Variants in TTC21B observed in about 807,000 individuals in gnomAD.
TTC21B encodes tetratricopeptide repeat protein 21B.
Under a neutral mutation model 175.1 loss-of-function variants are expected in TTC21B, and 127 were observed. That is an observed-to-expected ratio of 0.73 (90% CI 0.63 to 0.84). The LOEUF (loss-of-function observed/expected upper bound fraction) is 0.84. TTC21B is among the 40% of genes least tolerant of loss of function. The pLI is 0.00. For synonymous variants in TTC21B, 524 were observed against 524.5 expected, an observed-to-expected ratio of 1.00 and a Z score of 0.01; for missense variants, 1,561 against 1,558.3, an observed-to-expected ratio of 1.00 and a Z score of -0.03.
At chr2:165,878,810 T>C (rs553619407) in intron 27 of TTC21B, among the ~76,000 whole-genome samples, 3 of 151,524 alleles carry the variant, frequency 2.0e-5, no homozygotes, top group Non-Finnish European at 4.4e-5. Flanking sequence ...GCCTCCTGAG[T>C]TGCTGGGATT....
chr2:165,948,560 T>C (rs1339336796), intron 3 of TTC21B: 1 of 152,232 alleles, frequency 6.6e-6, no homozygotes, highest in East Asian at 1.9e-4. Context: ...TTATGTAATT[T>C]TTTGAAACAC....
At position 165,890,924 on chromosome 2, in the gene TTC21B, G is replaced by A. The variant is rs1233183809; in HGVS notation, c.3015C>T (p.Val1005=). The change falls in exon 23 of 29, where the codon GTC becomes GTT. Residue 1005 remains valine, a synonymous_variant. Transcript: ENST00000243344. ...LLRRCGKLED[V]PRFFSMAEKR... is the part of the protein sequence containing the mutation. Reference sequence around the variant, plus strand: ...TCTCAGCCATTGAGAAAAATCTTGGGACATCCTCGAGTTTTCCACATCTTC... The same window carrying A: ...TCTCAGCCATTGAGAAAAATCTTGGAACATCCTCGAGTTTTCCACATCTTC... The A allele has an allele frequency of 6.2e-7, 1 of 1,613,044 alleles. No homozygotes were observed. The highest frequency in any genetic ancestry group is 1.1e-5 in the South Asian group (1 of 91,042).
intron 20 of TTC21B, among the ~76,000 whole-genome samples, chr2:165,900,141 G>A (rs566189941): frequency 6.6e-6 from 1 of 151,190 alleles, no homozygotes; most frequent in Non-Finnish European, 1.5e-5. Context: ...AAAGAACACT[G>A]GTCTTAAAAC....
intron 28 of TTC21B, 115 bp from the exon 29 acceptor site, chr2:165,874,947 C>G (rs949531456): frequency 2.3e-6 from 2 of 855,298 alleles, no homozygotes; most frequent in Admixed American, 4.2e-5. Flanking sequence ...ACTAATACTA[C>G]AACAGCTATA....
At chr2:165,932,455 C>T (rs7581810) in intron 7 of TTC21B, among the ~76,000 whole-genome samples, 66,202 of 151,832 alleles carry the variant, frequency 0.44, 15,184 homozygotes, top group Middle Eastern at 0.57. Flanking sequence ...ATATTACTTC[C>T]TTCAGATTAG....
At chr2:165,906,254 TAAA>T (rs1163343694) in intron 19 of TTC21B, among the ~76,000 whole-genome samples, 6 of 45,280 alleles carry the variant, frequency 1.3e-4, no homozygotes, top group Admixed American at 3.0e-4. Context: ...TTCAAGAGGC[TAAA>T]AAAAAAAAAA....
chr2:165,877,181 AT>A (rs1366678890), intron 27 of TTC21B, among the ~76,000 whole-genome samples: 1 of 152,230 alleles, frequency 6.6e-6, no homozygotes, highest in African/African-American at 2.4e-5. Flanking sequence ...GTAATAAAAA[AT>A]ATCTCACTCT....
intron 23 of TTC21B, 41 bp downstream of exon 23, chr2:165,890,797 G>C: frequency 6.3e-6 from 10 of 1,578,522 alleles, no homozygotes; most frequent in Non-Finnish European, 8.7e-6. Flanking sequence ...TTTACAATGA[G>C]AAAAAAAAAT....
upstream of TTC21B, chr2:165,953,776 C>CAGCTCCCCTAGCCTCCCGGAGCGCTCT (rs1213205180): frequency 1.3e-6 from 2 of 1,544,226 alleles, no homozygotes; most frequent in Non-Finnish European, 1.7e-6. Context: ...ACGCAGAATT[C>CAGCTCCCCTAGCCTCCCGGAGCGCTCT]AGCTCCCCTA....
rs766137263 is a variant in TTC21B, at chr2:165,912,630, A to G, written c.2212-6T>C. ...GCTACTATGGCTTCTTCAGGCTAAT[A>G]TTGCCAGACACAAAAAATAAGCAAT... On this transcript the variant is annotated splice_polypyrimidine_tract_variant and splice_region_variant and intron_variant, in intron 16 of 28. Coordinates refer to ENST00000243344, the MANE Select transcript of TTC21B (RefSeq NM_024753.5). The G allele has an allele frequency of 6.2e-7, 1 of 1,608,942 alleles. No individual in the cohort carries two copies. Among genetic ancestry groups the G allele is most frequent in the African/African-American group, 1.3e-5 (1 of 74,946 alleles).
intron 22 of TTC21B, among the ~76,000 whole-genome samples, chr2:165,893,770 A>G (rs1685271796): frequency 6.6e-6 from 1 of 151,958 alleles, no homozygotes; most frequent in African/African-American, 2.4e-5. Flanking sequence ...AGCCTCAAGG[A>G]TAGGAGGAAG....
At chr2:165,888,231 CT>C in intron 25 of TTC21B, 47 bp downstream of exon 25, 1 of 1,359,362 alleles carries the variant, frequency 7.4e-7, no homozygotes, top group South Asian at 1.2e-5. Context: ...TGTTTCTATA[CT>C]ACCAAATAAA....
intron 8 of TTC21B, among the ~76,000 whole-genome samples, chr2:165,930,732 G>GGTGTGTGTGTGTGTGTGTGTGTGTGT: frequency 1.0e-3 from 112 of 110,830 alleles, no homozygotes; most frequent in Non-Finnish European, 1.4e-3. Context: ...TGGGTATGGG[G>GGTGTGTGTGTGTGTGTGTGTGTGTGT]GTGTGTGTGT....
intron 19 of TTC21B, among the ~76,000 whole-genome samples, chr2:165,904,694 A>G (rs1685672363): frequency 6.6e-6 from 1 of 152,258 alleles, no homozygotes; most frequent in African/African-American, 2.4e-5. Flanking sequence ...AAATAAGCAC[A>G]GTAATACATA....
chr2:165,882,463 T>C (rs1574063116), intron 26 of TTC21B, among the ~76,000 whole-genome samples: 1 of 152,160 alleles, frequency 6.6e-6, no homozygotes, highest in East Asian at 1.9e-4. Flanking sequence ...GCAGTTATCA[T>C]TCTTATCAAT....
intron 11 of TTC21B, among the ~76,000 whole-genome samples, chr2:165,928,302 C>T (rs941233413): frequency 2.0e-5 from 3 of 151,868 alleles, no homozygotes; most frequent in Admixed American, 6.6e-5. Flanking sequence ...CATTTGAGTC[C>T]AAAAGTACAA....
At chr2:165,938,344 G>C (rs1574133748) in intron 6 of TTC21B, among the ~76,000 whole-genome samples, 1 of 151,964 alleles carries the variant, frequency 6.6e-6, no homozygotes, top group Non-Finnish European at 1.5e-5. Context: ...AACAAAGAAA[G>C]AATGACAGAA....
At chr2:165,943,466 CA>C in intron 4 of TTC21B, 125 bp from the exon 5 acceptor site, 3 of 771,714 alleles carry the variant, frequency 3.9e-6, no homozygotes, top group Non-Finnish European at 6.3e-6. Context: ...ATGTTATGAA[CA>C]ATAAAATTCT....
chr2:165,931,533 A>C (rs1574123064), intron 8 of TTC21B, among the ~76,000 whole-genome samples: 1 of 152,164 alleles, frequency 6.6e-6, no homozygotes, highest in African/African-American at 2.4e-5. Context: ...GCACTTCGCT[A>C]TGCTTAAAAG....
Sources: allele counts gnomAD v4.1 joint callset (sites outside exome capture counted in the v4.1 genomes callset), GRCh38; gene constraint gnomAD v4.1.1; transcripts MANE v1.5; gene names NCBI Gene and HGNC (gene_info 2026-07-23, HGNC 2026-07-21).